PCP2: variants seen among roughly 807,000 people sequenced by gnomAD.
PCP2 encodes Purkinje cell protein 2, also known as Purkinje cell protein 2 homolog.
In PCP2, 21 loss-of-function variants were observed where a neutral mutation model predicts 18.3. That is an observed-to-expected ratio of 1.14 (90% CI 0.81 to 1.65). The LOEUF (loss-of-function observed/expected upper bound fraction) is 1.65. PCP2 is among the 40% of genes most tolerant of loss of function. The pLI is 0.00. For missense variants in PCP2, 202 were observed against 201.8 expected (o/e 1.00, Z 0.00); for synonymous variants, 85 against 77.6 (o/e 1.10, Z -0.50).
upstream of PCP2, among the ~76,000 whole-genome samples, chr19:7,634,676 A>T (rs745466109): frequency 3.6e-4 from 55 of 151,880 alleles, no homozygotes; most frequent in Non-Finnish European, 6.5e-4. Flanking sequence ...AGCCTTTAAA[A>T]TTTTTTTTTA....
chr19:7,632,620 C>G lies in PCP2; in HGVS notation c.166+96G>C. 1.3e-6 allele frequency: 2 copies of G among 1,585,592 alleles called. No individual in the cohort carries two copies. The highest frequency in any genetic ancestry group is 1.7e-6 in the Non-Finnish European group (2 of 1,168,058). On this transcript the variant is annotated intron_variant, in intron 2 of 3. Transcript: ENST00000311069. This position sits in a 1 kb window ranked among gnomAD's most constrained non-coding sequence, Gnocchi z 5.2. ...ATGCTTCAGGGTGCACAACCACCTC[C>G]CACATCCCGTGCCCCCAGGCCCTCC...
rs1394690443 is a variant in PCP2, at chr19:7,632,447, A to G, written c.237T>C (p.Asp79=). The change falls in exon 3 of 4, where the codon GAT becomes GAC. Residue 79 remains aspartate, a synonymous_variant. Transcript: ENST00000311069. The surrounding 1 kb of genome is among the most constrained non-coding windows in gnomAD (Gnocchi z 5.2). ...GGCTGCTGACTGTCACACGTTGGTCATCCATGCGGCGGCCCTGGGTACTGG... is the reference window on the plus strand; with the variant it reads ...GGCTGCTGACTGTCACACGTTGGTCGTCCATGCGGCGGCCCTGGGTACTGG... ...MLASTQGRRM[D]DQRVTVSSLP... is the part of the protein sequence containing the mutation. 4 of 1,613,518 alleles carry G rather than the reference A, an allele frequency of 2.5e-6. No individual in the cohort carries two copies. Among genetic ancestry groups the G allele is most frequent in the Non-Finnish European group, 3.4e-6 (4 of 1,179,944 alleles).
intron 3 of PCP2, 57 bp from the exon 4 acceptor site, chr19:7,631,865 G>A (rs1409576546): frequency 7.3e-7 from 1 of 1,366,846 alleles, no homozygotes; most frequent in Non-Finnish European, 9.5e-7. Flanking sequence ...CCGGCCACAG[G>A]TGGCGAACAA....
At chr19:7,636,911 C>T, upstream of PCP2, 1 of 392,972 alleles carries the variant, frequency 2.5e-6, no homozygotes, top group Non-Finnish European at 4.5e-6. Flanking sequence ...CATCTGTGAG[C>T]GTGTCGTCGA....
chr19:7,633,380 G>C, intron 1 of PCP2, 27 bp downstream of exon 1: 1 of 1,553,422 alleles, frequency 6.4e-7, no homozygotes. Context: ...TTGAGCTGGG[G>C]GTGGGGTGGG....
chr19:7,632,714 A>T lies in PCP2; in HGVS notation c.166+2T>A. 1 of 1,555,248 alleles carries T rather than the reference A, an allele frequency of 6.4e-7. No homozygotes were observed. Among genetic ancestry groups the T allele is most frequent in the Non-Finnish European group, 8.7e-7 (1 of 1,155,974 alleles). On this transcript the variant is annotated splice_donor_variant, in intron 2 of 3. Transcript: ENST00000311069. LOFTEE classifies it high-confidence loss of function. This position sits in a 1 kb window ranked among gnomAD's most constrained non-coding sequence, Gnocchi z 5.2. The stretch of plus-strand genomic sequence containing the variant: ...GGACAGCACCCCCGTGCCCATGCTC[A>T]CGGCTCTTGGTGGTCTGGCCCGGCC...
chr19:7,633,423 G>C lies in PCP2; in HGVS notation c.35C>G (p.Ser12Ter). 6.3e-7 allele frequency: 1 copy of C among 1,575,678 alleles called. No individual in the cohort carries two copies. ...MDQEEKTEEG[S>*]GPCAEAGSPD... Reference sequence around the variant, plus strand: ...CCCTCTCACCTCGGCACAGGGGCCTGAGCCTTCCTCCGTCTTCTCCTCCTG... The same window carrying C: ...CCCTCTCACCTCGGCACAGGGGCCTCAGCCTTCCTCCGTCTTCTCCTCCTG... The change falls in exon 1 of 4, where the codon TCA becomes TGA. Residue 12 changes from serine to a stop codon, truncating the protein, a stop_gained. Transcript: ENST00000311069. LOFTEE classifies it high-confidence loss of function.
chr19:7,635,983 C>G (rs2031515580), upstream of PCP2, among the ~76,000 whole-genome samples: 1 of 152,190 alleles, frequency 6.6e-6, no homozygotes, highest in South Asian at 2.1e-4. Context: ...GTGGCTGCTT[C>G]TAGAATCCAT....
Position 7,632,974 on chromosome 19 carries a change from C to T in PCP2, c.52-144G>A. ...TCACCATGGTCCCCGCCGATCCTCT[C>T]TGCAGAGCTGTTCTGAATGAGACAT... On this transcript the variant is annotated intron_variant, in intron 1 of 3. Transcript: ENST00000311069. This position sits in a 1 kb window ranked among gnomAD's most constrained non-coding sequence, Gnocchi z 5.2. 1 of 1,455,838 alleles carries T rather than the reference C, an allele frequency of 6.9e-7. No homozygotes were observed. Among genetic ancestry groups the T allele is most frequent in the Non-Finnish European group, 9.0e-7 (1 of 1,107,448 alleles). The allele number at this position is 1,455,838 out of a possible 1,614,324, so 90.2% of individuals were successfully genotyped here. A position where few individuals can be genotyped will look rare whatever the true frequency, so the allele number is the denominator to read the frequency against.
intron 1 of PCP2, among the ~76,000 whole-genome samples, 153 bp downstream of exon 1, chr19:7,633,254 C>A (rs936352972): frequency 3.9e-5 from 6 of 152,222 alleles, no homozygotes; most frequent in Non-Finnish European, 8.8e-5. Flanking sequence ...GGCACTCAGA[C>A]CCCCAAGCCC....
At chr19:7,636,815 G>C (rs1271136255), upstream of PCP2, 1 of 288,774 alleles carries the variant, frequency 3.5e-6, no homozygotes, top group African/African-American at 2.2e-5. Flanking sequence ...TATCTTGCAG[G>C]CACAGAACCT....
In PCP2 at chr19:7,633,419, G is replaced by A; in HGVS notation, c.39C>T (p.Gly13=). The A allele has an allele frequency of 1.9e-6, 3 of 1,573,712 alleles. No homozygotes were observed. The highest frequency in any genetic ancestry group is 1.7e-6 in the Non-Finnish European group (2 of 1,158,576). Residue 13 remains glycine, a synonymous_variant, in exon 1 of 4, where the codon GGC becomes GGT. Transcript: ENST00000311069. ...DQEEKTEEGS[G]PCAEAGSPDQ... ...AGGGCCCTCTCACCTCGGCACAGGG[G>A]CCTGAGCCTTCCTCCGTCTTCTCCT...
upstream of PCP2, chr19:7,636,962 G>A: frequency 2.0e-6 from 1 of 502,488 alleles, no homozygotes; most frequent in Non-Finnish European, 3.1e-6. Context: ...CAGCGCGGAC[G>A]CACCTGCCCG....
chr19:7,633,861 C>T (rs1476030308), upstream of PCP2: 1 of 195,042 alleles, frequency 5.1e-6, no homozygotes, highest in Non-Finnish European at 1.0e-5. Flanking sequence ...CCAGGTTCCC[C>T]CACTGGCTCC....
At chr19:7,636,917 G>C (rs1346707985), upstream of PCP2, 1 of 396,064 alleles carries the variant, frequency 2.5e-6, no homozygotes, top group Non-Finnish European at 4.4e-6. Flanking sequence ...TGAGCGTGTC[G>C]TCGAGGTGTG....
Position 7,633,702 on chromosome 19 carries a change from T to G in PCP2, c.-245A>C. 4 of 558,686 alleles carry G rather than the reference T, an allele frequency of 7.2e-6. No individual in the cohort carries two copies. The South Asian group carries it at 8.9e-5, about 12-fold the overall frequency. The allele number at this position is 558,686 out of a possible 1,614,324, so 34.6% of individuals were successfully genotyped here. The stretch of plus-strand genomic sequence containing the variant: ...GGCGACCTGAGCTTGGACCTCGCTG[T>G]GCCCAGCAGCAATGACTGGACCCCA... On this transcript the variant is annotated 5_prime_UTR_variant, in exon 1 of 4. Transcript: ENST00000311069.
Position 7,631,684 on chromosome 19 carries a change from G to A in PCP2, c.*5C>T. 1 of 1,459,368 alleles carries A rather than the reference G, an allele frequency of 6.9e-7. No individual in the cohort carries two copies. Among genetic ancestry groups the A allele is most frequent in the South Asian group, 1.5e-5 (1 of 67,904 alleles). The allele number at this position is 1,459,368 out of a possible 1,614,324, so 90.4% of individuals were successfully genotyped here. On this transcript the variant is annotated 3_prime_UTR_variant, in exon 4 of 4. Coordinates refer to ENST00000311069, the MANE Select transcript of PCP2 (RefSeq NM_174895.3). ...GCCGAGTGAGACCCAGGATGCCTCA[G>A]GCCCTCAGGGGGCTTGTGTCGGGGG...
chr19:7,632,496 A>G lies in PCP2; in HGVS notation c.188T>C (p.Met63Thr), dbSNP rs745953991. 4 of 1,612,654 alleles carry G rather than the reference A, an allele frequency of 2.5e-6. No homozygotes were observed. The highest frequency in any genetic ancestry group is 1.7e-5 in the Admixed American group (1 of 59,942). ...TKSQSDPTPEMDSLMDMLAST... is the reference protein window; with the variant it reads ...TKSQSDPTPETDSLMDMLAST... ...GGCCAGCATGTCCATGAGGCTGTCC[A>G]TCTCGGGGGTGGGGTCGCTCTCTGC... Residue 63 changes from methionine (M) to threonine (T), a missense_variant, in exon 3 of 4, where the codon ATG becomes ACG. Physicochemically the swap from Met to Thr is moderately conservative, Grantham distance 81. Coordinates refer to ENST00000311069, the MANE Select transcript of PCP2 (RefSeq NM_174895.3). The surrounding 1 kb of genome is among the most constrained non-coding windows in gnomAD (Gnocchi z 5.2).
intron 1 of PCP2, 33 bp downstream of exon 1, chr19:7,633,374 G>T: frequency 6.4e-7 from 1 of 1,552,966 alleles, no homozygotes. Flanking sequence ...GAGACCTTGA[G>T]CTGGGGGTGG....
Sources: gnomAD v4.1 joint callset for allele counts (sites outside exome capture counted in the v4.1 genomes callset) on GRCh38, gnomAD v4.1.1 for gene constraint, Gnocchi (gnomAD v3.1) non-coding constraint, MANE v1.5 for transcripts, NCBI Gene and HGNC (gene_info 2026-07-23, HGNC 2026-07-21) for gene names.